Variants in FXYD6 observed in about 807,000 individuals in gnomAD.
FXYD6 encodes FXYD domain-containing ion transport regulator 6.
Under a neutral mutation model 16.7 loss-of-function variants are expected in FXYD6, and 7 were observed. The observed-to-expected ratio is 0.42, with a 90% CI of 0.24 to 0.79. FXYD6 has a LOEUF of 0.79. FXYD6 is among the 30% of genes least tolerant of loss of function. The pLI, the probability that FXYD6 is intolerant of heterozygous loss-of-function variation, is 0.28. For missense variants in FXYD6, 111 were observed against 116.2 expected (o/e 0.95, Z 0.21); for synonymous variants, 49 against 43.0 (o/e 1.14, Z -0.54).
chr11:117,852,340 G>A (rs1221023490), intron 1 of FXYD6, among the ~76,000 whole-genome samples: 1 of 152,232 alleles, frequency 6.6e-6, no homozygotes, highest in Non-Finnish European at 1.5e-5. Context: ...CTGGGTCTGT[G>A]ATCGTTTGTT....
Position 117,838,151 on chromosome 11 carries a change from G to A in FXYD6, c.*148C>T. The A allele has an allele frequency of 2.9e-6, 2 of 701,238 alleles. No homozygotes were observed. The highest frequency in any genetic ancestry group is 5.2e-6 in the Non-Finnish European group (2 of 384,952). 43.4% of individuals were successfully genotyped at this position (701,238 alleles called of 1,614,324 possible). A position where few individuals can be genotyped will look rare whatever the true frequency, so the allele number is the denominator to read the frequency against. On this transcript the variant is annotated 3_prime_UTR_variant, in exon 8 of 8. Coordinates refer to ENST00000526014, the MANE Select transcript of FXYD6 (RefSeq NM_022003.4). ...TCAGGTGGAGGAATGGTGTTAGAGG[G>A]GATAGGGTGGGGGACACACAAGTTC...
In FXYD6 at chr11:117,841,136, C is replaced by T. The variant is rs756000059; in HGVS notation, c.209+12G>A. 2.7e-5 allele frequency: 44 copies of T among 1,614,070 alleles called. No individual in the cohort carries two copies. The highest frequency in any genetic ancestry group is 4.5e-5 in the East Asian group (2 of 44,870). On this transcript the variant is annotated intron_variant, in intron 5 of 7. Transcript: ENST00000526014. ...TATCACCCCCCCAAGGCCACTGCCA[C>T]GGCATCCTTACCGGGGCTTCTGATT... is the stretch of plus-strand genomic sequence containing the variant.
Position 117,838,422 on chromosome 11 carries a change from C to A in FXYD6, c.*22-145G>T. On this transcript the variant is annotated intron_variant, in intron 7 of 7. Coordinates refer to ENST00000526014, the MANE Select transcript of FXYD6 (RefSeq NM_022003.4). Reference sequence around the variant, plus strand: ...GACGCAGAGAAAGGAGACAAAGACACAGGGGAGGGGTGAACCTCAGAAGAA... The same window carrying A: ...GACGCAGAGAAAGGAGACAAAGACAAAGGGGAGGGGTGAACCTCAGAAGAA... The A allele has an allele frequency of 7.5e-6, 5 of 664,002 alleles. No individual in the cohort carries two copies. In the Admixed American group the frequency reaches 8.5e-5, roughly 11 times the overall value. 41.1% of individuals were successfully genotyped at this position (664,002 alleles called of 1,614,324 possible). A position where few individuals can be genotyped will look rare whatever the true frequency, so the allele number is the denominator to read the frequency against.
At chr11:117,876,856 T>G (rs2134227739), upstream of FXYD6, 1 of 152,318 alleles carries the variant, frequency 6.6e-6, no homozygotes, top group Admixed American at 6.5e-5. Flanking sequence ...CCTCTCCTCC[T>G]CTCCCTGTCC....
At position 117,868,882 on chromosome 11, in the gene FXYD6, C is replaced by T. The variant is rs1432033699; in HGVS notation, c.-6+7710G>A. 2.0e-5 allele frequency: 3 copies of T among 152,248 alleles called. No individual in the cohort carries two copies. In the East Asian group the frequency reaches 5.8e-4, roughly 29 times the overall value. The allele number at this position is 152,248 out of a possible 1,614,324, so 9.4% of individuals were successfully genotyped here. A position where few individuals can be genotyped will look rare whatever the true frequency, so the allele number is the denominator to read the frequency against. On this transcript the variant is annotated intron_variant, in intron 1 of 7. Transcript: ENST00000526014. ...AGCAATCCTCAACCCCATCCCAGCA[C>T]TCCGGCTCCTGCTCACCTTTCCGGC... is the stretch of plus-strand genomic sequence containing the variant.
intron 7 of FXYD6, chr11:117,838,680 C>A (rs1299835511): frequency 4.7e-6 from 1 of 211,686 alleles, no homozygotes; most frequent in Non-Finnish European, 9.7e-6. Flanking sequence ...CCAGGAAGGG[C>A]ACCTGCCTCC....
upstream of FXYD6, chr11:117,876,886 G>C (rs1226150542): frequency 2.0e-5 from 3 of 152,322 alleles, no homozygotes; most frequent in Non-Finnish European, 2.9e-5. Context: ...CTCTGTGCTC[G>C]CGCGCGTCCT....
intron 2 of FXYD6, 122 bp from the exon 3 acceptor site, chr11:117,842,150 A>G (rs2056361979): frequency 2.7e-6 from 4 of 1,472,002 alleles, no homozygotes; most frequent in African/African-American, 2.8e-5. Context: ...GGCCCATTAA[A>G]CAGAGATGCC....
At chr11:117,863,691 A>T (rs2056956043) in intron 1 of FXYD6, among the ~76,000 whole-genome samples, 1 of 152,244 alleles carries the variant, frequency 6.6e-6, no homozygotes, top group African/African-American at 2.4e-5. Context: ...CTGTTCACAG[A>T]TGGTATCATC....
intron 1 of FXYD6, among the ~76,000 whole-genome samples, chr11:117,864,689 C>A (rs1224624600): frequency 6.6e-6 from 1 of 152,120 alleles, no homozygotes; most frequent in Non-Finnish European, 1.5e-5. Flanking sequence ...GGGGTTCAAG[C>A]AATTCTCCTG....
intron 1 of FXYD6, 60 bp from the exon 2 acceptor site, chr11:117,842,841 C>G: frequency 6.5e-7 from 1 of 1,535,720 alleles, no homozygotes; most frequent in Non-Finnish European, 8.8e-7. Context: ...CCGTCAGCTC[C>G]AAGCGTCAGC....
At chr11:117,873,453 G>A (rs1720738477) in intron 1 of FXYD6, among the ~76,000 whole-genome samples, 2 of 152,252 alleles carry the variant, frequency 1.3e-5, no homozygotes, top group African/African-American at 4.8e-5. Flanking sequence ...GATTTCACCA[G>A]AAGCCCAGTT....
chr11:117,839,754 G>A lies in FXYD6; in HGVS notation c.*21+27C>T, dbSNP rs1265323074. ...TGATGCAGACGGTGATGGCAACAGG[G>A]GCCAATCCAGGCACTGAGCATCTCA... On this transcript the variant is annotated intron_variant, in intron 7 of 7. Coordinates refer to ENST00000526014, the MANE Select transcript of FXYD6 (RefSeq NM_022003.4). 4.3e-6 allele frequency: 7 copies of A among 1,613,902 alleles called. No individual in the cohort carries two copies. The East Asian group carries it at 1.6e-4, about 36-fold the overall frequency.
At chr11:117,842,367 T>C (rs2056368973) in intron 2 of FXYD6, 1 of 556,698 alleles carries the variant, frequency 1.8e-6, no homozygotes, top group Admixed American at 3.2e-5. Context: ...AGGAAGGACA[T>C]ATGACTTGCA....
intron 1 of FXYD6, among the ~76,000 whole-genome samples, chr11:117,874,869 T>G (rs910168114): frequency 6.6e-6 from 1 of 152,244 alleles, no homozygotes; most frequent in African/African-American, 2.4e-5. Context: ...CCACTCTTTA[T>G]CCAACCTTCC....
At chr11:117,839,708 C>A in intron 7 of FXYD6, 73 bp downstream of exon 7, 1 of 1,590,436 alleles carries the variant, frequency 6.3e-7, no homozygotes, top group Non-Finnish European at 8.6e-7. Flanking sequence ...ATCCTTCCCG[C>A]CTGAACCCCT....
chr11:117,841,405 A>T (rs966239611), intron 4 of FXYD6, among the ~76,000 whole-genome samples: 48 of 152,084 alleles, frequency 3.2e-4, no homozygotes, highest in African/African-American at 1.2e-3. Flanking sequence ...AGCCCTCTTG[A>T]TCATGTGAGT....
At chr11:117,850,235 T>C (rs767381743) in intron 1 of FXYD6, among the ~76,000 whole-genome samples, 33 of 152,234 alleles carry the variant, frequency 2.2e-4, no homozygotes, top group Non-Finnish European at 4.7e-4. Context: ...TTTTCTCTTT[T>C]GCAAAATCTG....
intron 1 of FXYD6, among the ~76,000 whole-genome samples, chr11:117,853,262 G>C (rs2056647809): frequency 6.6e-6 from 1 of 152,188 alleles, no homozygotes; most frequent in African/African-American, 2.4e-5. Flanking sequence ...CTTTCAGAGA[G>C]CATTTGCTTT....
Sources: gnomAD v4.1 joint callset for allele counts (sites outside exome capture counted in the v4.1 genomes callset) on GRCh38, gnomAD v4.1.1 for gene constraint, MANE v1.5 for transcripts, NCBI Gene and HGNC (gene_info 2026-07-23, HGNC 2026-07-21) for gene names.